PDE10A: variants seen among roughly 807,000 people sequenced by gnomAD.
PDE10A encodes the protein phosphodiesterase 10A.
PDE10A carries 39 observed loss-of-function variants against 97.7 expected under a neutral mutation model. The observed-to-expected ratio is 0.40, with a 90% CI of 0.31 to 0.52. The LOEUF is 0.52. Ranked by LOEUF, PDE10A falls within the 20% of genes least tolerant of loss-of-function variation. The pLI, the probability that PDE10A is intolerant of heterozygous loss-of-function variation, is 0.56. For missense variants in PDE10A, 731 were observed against 1,047.8 expected (o/e 0.70, Z 4.17); for synonymous variants, 371 against 376.8 (o/e 0.98, Z 0.18).
chr6:165,787,664 A>AT (rs1231516101), intron 1 of PDE10A, among the ~76,000 whole-genome samples: 5 of 152,104 alleles, frequency 3.3e-5, no homozygotes, highest in African/African-American at 1.2e-4. Flanking sequence ...TTTAACCATC[A>AT]TTTTTTTCTT....
At chr6:165,972,661 G>T (rs1323177388) in intron 1 of PDE10A, among the ~76,000 whole-genome samples, 2 of 152,126 alleles carry the variant, frequency 1.3e-5, no homozygotes, top group Non-Finnish European at 2.9e-5. Flanking sequence ...GCAGGTGCGT[G>T]CCCCTTCAGT....
At chr6:165,584,415 C>A (rs971131257) in intron 1 of PDE10A, among the ~76,000 whole-genome samples, 3 of 152,158 alleles carry the variant, frequency 2.0e-5, no homozygotes, top group Admixed American at 6.5e-5. Flanking sequence ...CTTCCCCCAG[C>A]CAACAGGCCC....
intron 1 of PDE10A, among the ~76,000 whole-genome samples, chr6:165,967,508 AT>A (rs1317318542): frequency 1.3e-5 from 2 of 152,234 alleles, no homozygotes; most frequent in African/African-American, 2.4e-5. Flanking sequence ...TCAAAAAAAA[AT>A]TTGTTTAACT....
intron 1 of PDE10A, among the ~76,000 whole-genome samples, chr6:165,862,436 G>T (rs1327643268): frequency 6.6e-6 from 1 of 152,096 alleles, no homozygotes; most frequent in Non-Finnish European, 1.5e-5. Context: ...TTGAAAATAG[G>T]TTCACAAGTT....
intron 1 of PDE10A, among the ~76,000 whole-genome samples, chr6:165,907,853 T>G (rs1782340856): frequency 6.6e-6 from 1 of 152,218 alleles, no homozygotes; most frequent in South Asian, 2.1e-4. Context: ...CAAAATAGTT[T>G]GTTCAGAGGC....
chr6:165,668,492 TA>T (rs1262348387), intron 1 of PDE10A, among the ~76,000 whole-genome samples: 3 of 152,222 alleles, frequency 2.0e-5, no homozygotes, highest in African/African-American at 4.8e-5. Context: ...GCAAACATTT[TA>T]AATTTTGATA....
At chr6:165,414,854 T>A (rs1788193765) in intron 12 of PDE10A, among the ~76,000 whole-genome samples, 1 of 152,210 alleles carries the variant, frequency 6.6e-6, no homozygotes, top group Non-Finnish European at 1.5e-5. Flanking sequence ...TGCCAATGTT[T>A]TAAAGTCCCA....
intron 12 of PDE10A, 108 bp downstream of exon 12, chr6:165,416,077 GAAGA>G: frequency 1.4e-6 from 1 of 720,916 alleles, no homozygotes; most frequent in Non-Finnish European, 2.5e-6. Flanking sequence ...GAAAACTAAG[GAAGA>G]AAGAACTGAA....
At chr6:165,846,752 GAA>G (rs1376421789) in intron 1 of PDE10A, among the ~76,000 whole-genome samples, 11 of 152,214 alleles carry the variant, frequency 7.2e-5, no homozygotes, top group African/African-American at 2.7e-4. Context: ...AACTGGATGA[GAA>G]GTGAGAGCCG....
At chr6:165,364,074 G>A (rs1052068005) in intron 18 of PDE10A, among the ~76,000 whole-genome samples, 3 of 152,180 alleles carry the variant, frequency 2.0e-5, no homozygotes, top group African/African-American at 4.8e-5. Flanking sequence ...AAGAAGAGAG[G>A]AAGGAAGGAT....
Position 165,416,201 on chromosome 6 carries a change from G to C in PDE10A, c.1877C>G (p.Pro626Arg). ...VLNIPDAYADPRFNREVDLYT... is the reference protein window; with the variant it reads ...VLNIPDAYADRRFNREVDLYT... ...AGCTATTTCTTACCTGTTAAAGCGTGGGTCTGCATAGGCATCTGGAATGTT... is the reference window on the plus strand; with the variant it reads ...AGCTATTTCTTACCTGTTAAAGCGTCGGTCTGCATAGGCATCTGGAATGTT... The change falls in exon 12 of 22, where the codon CCA (proline) becomes CGA (arginine). Residue 626 changes from proline (P) to arginine (R), a missense_variant. Transcript: ENST00000539869. The C allele has an allele frequency of 1.2e-6, 2 of 1,605,622 alleles. No homozygotes were observed. Among genetic ancestry groups the C allele is most frequent in the Non-Finnish European group, 1.7e-6 (2 of 1,172,320 alleles).
At chr6:165,335,937 T>C (rs893208993) in intron 21 of PDE10A, among the ~76,000 whole-genome samples, 186 bp downstream of exon 21, 6 of 152,022 alleles carry the variant, frequency 3.9e-5, no homozygotes, top group African/African-American at 1.2e-4. Flanking sequence ...TTGAGGAGAA[T>C]TGAACCAAAG....
At chr6:165,583,033 G>C (rs1785705671) in intron 1 of PDE10A, among the ~76,000 whole-genome samples, 1 of 152,132 alleles carries the variant, frequency 6.6e-6, no homozygotes, top group Non-Finnish European at 1.5e-5. Context: ...TCGATGCAAA[G>C]CTTTTCTGAG....
intron 1 of PDE10A, among the ~76,000 whole-genome samples, chr6:165,960,328 C>T (rs563350048): frequency 7.2e-5 from 11 of 152,288 alleles, no homozygotes; most frequent in South Asian, 4.2e-4. Flanking sequence ...AAAGAACACC[C>T]GGTAAAGACG....
chr6:165,491,338 A>G, intron 2 of PDE10A, among the ~76,000 whole-genome samples: 1 of 152,300 alleles, frequency 6.6e-6, no homozygotes, highest in East Asian at 1.9e-4. Context: ...ACAGGTCATC[A>G]AGACAGAAAG....
chr6:165,576,590 C>T, intron 1 of PDE10A: 1 of 652,194 alleles, frequency 1.5e-6, no homozygotes, highest in South Asian at 1.9e-5. Flanking sequence ...TAATTCTCAG[C>T]ATGGCTACAC....
chr6:165,737,424 T>C (rs1045553549), intron 1 of PDE10A, among the ~76,000 whole-genome samples: 1 of 152,160 alleles, frequency 6.6e-6, no homozygotes, highest in African/African-American at 2.4e-5. Flanking sequence ...TAGTAGCACA[T>C]TAAGAGGATT....
chr6:165,684,307 A>C (rs1392162425), intron 1 of PDE10A, among the ~76,000 whole-genome samples: 2 of 152,210 alleles, frequency 1.3e-5, no homozygotes, highest in Non-Finnish European at 2.9e-5. Flanking sequence ...ATGGACACAC[A>C]ATCAATAATT....
chr6:165,932,767 C>T (rs1783179181), intron 1 of PDE10A, among the ~76,000 whole-genome samples: 2 of 152,222 alleles, frequency 1.3e-5, no homozygotes, highest in African/African-American at 4.8e-5. Flanking sequence ...CCACCACACC[C>T]GGCCTGAGCT....
Sources: allele counts gnomAD v4.1 joint callset (sites outside exome capture counted in the v4.1 genomes callset), GRCh38; gene constraint gnomAD v4.1.1; transcripts MANE v1.5; gene names NCBI Gene and HGNC (gene_info 2026-07-23, HGNC 2026-07-21).